The following LPIN2 variants were observed in gnomAD, a reference collection of about 807,000 sequenced individuals.
LPIN2 encodes the protein phosphatidate phosphatase LPIN2.
LPIN2 carries 55 observed loss-of-function variants against 111.4 expected under a neutral mutation model. That is an observed-to-expected ratio of 0.49 (90% CI 0.40 to 0.62). The LOEUF (loss-of-function observed/expected upper bound fraction) is 0.62, where lower values mean the gene tolerates loss of function less well. Among genes scored for constraint, LPIN2 ranks in the 20% least tolerant of loss-of-function variants. LPIN2 has a pLI of 0.00. For synonymous variants in LPIN2, 425 were observed against 414.0 expected (o/e 1.03, Z -0.32); for missense variants, 992 against 1,112.1 (o/e 0.89, Z 1.54).
At chr18:2,960,887 A>G (rs758737310) in intron 1 of LPIN2, 38 bp from the exon 2 acceptor site, 1 of 1,525,738 alleles carries the variant, frequency 6.6e-7, no homozygotes, top group Admixed American at 1.8e-5. Flanking sequence ...GTTAACACTA[A>G]ATTTGTGATC....
intron 2 of LPIN2, among the ~76,000 whole-genome samples, chr18:2,959,300 T>C (rs1276931158): frequency 1.3e-5 from 2 of 152,174 alleles, no homozygotes; most frequent in East Asian, 3.8e-4. Context: ...AAAAAGAATA[T>C]CTAGTTTTGT....
chr18:3,011,750 G>A (rs1361928674), intron 1 of LPIN2: 1 of 152,250 alleles, frequency 6.6e-6, no homozygotes, highest in South Asian at 2.1e-4. Context: ...GGAGGGAAGA[G>A]CCGATGTTGG....
rs76325993 is a variant in LPIN2 at position 2,919,570 on chromosome 18, T to C, written c.*723A>G. The C allele has an allele frequency of 0.024, 3,640 of 152,812 alleles. 139 individuals carry two copies. The highest frequency in any genetic ancestry group is 0.077 in the African/African-American group (3,215 of 41,528). 9.5% of individuals were successfully genotyped at this position (152,812 alleles called of 1,614,324 possible). ...CACCTTCCCACTTTTATTACAGACATCAAATATATACTTGTGAGACCTGTT... is the reference window on the plus strand; with the variant it reads ...CACCTTCCCACTTTTATTACAGACACCAAATATATACTTGTGAGACCTGTT... On this transcript the variant is annotated 3_prime_UTR_variant, in exon 20 of 20. Transcript: ENST00000677752.
At chr18:2,982,173 T>G (rs886269931) in intron 1 of LPIN2, among the ~76,000 whole-genome samples, 21 of 152,184 alleles carry the variant, frequency 1.4e-4, no homozygotes, top group African/African-American at 4.6e-4. Flanking sequence ...AAATTCTTGT[T>G]TATGATCACA....
intron 1 of LPIN2, among the ~76,000 whole-genome samples, chr18:2,998,530 A>AAAC (rs888120899): frequency 1.4e-4 from 21 of 152,264 alleles, no homozygotes; most frequent in African/African-American, 4.8e-4. Context: ...GGGAGGGAGA[A>AAAC]AACAACAACA....
At chr18:3,001,560 A>G (rs2078435671) in intron 1 of LPIN2, among the ~76,000 whole-genome samples, 1 of 152,186 alleles carries the variant, frequency 6.6e-6, no homozygotes, top group South Asian at 2.1e-4. Flanking sequence ...GGAGGGTTAT[A>G]TAAGAGATGA....
intron 2 of LPIN2, among the ~76,000 whole-genome samples, chr18:2,956,482 C>T (rs548331471): frequency 2.0e-5 from 3 of 152,106 alleles, no homozygotes; most frequent in Non-Finnish European, 4.4e-5. Context: ...AAGGAACTGG[C>T]GTAAAATAAT....
rs772070625 is a variant in LPIN2, at chr18:2,920,829, A to G, written c.2495T>C (p.Val832Ala). The change falls in exon 19 of 20, where the codon GTG becomes GCG. Residue 832 changes from valine (V) to alanine (A), a missense_variant. Val to Ala is a moderately conservative substitution (Grantham distance 64). This residue lies in a region of LPIN2 where 185 missense variants were observed against 186.5 expected (regional missense o/e 0.99). Coordinates refer to ENST00000677752, the MANE Select transcript of LPIN2 (RefSeq NM_001375808.2). The stretch of plus-strand genomic sequence containing the variant: ...TTGTATTAATTCACCCTTGGGGTTC[A>G]CGGTGAATATTCTACAGTCTGGAAC... The part of the protein sequence containing the change: ...VGVPDCRIFT[V>A]NPKGELIQER... 6.2e-7 allele frequency: 1 copy of G among 1,614,184 alleles called. No individual in the cohort carries two copies.
Position 2,919,890 on chromosome 18 carries a change from C to G in LPIN2, c.*403G>C. ...AGGGACCCTGACATCTGAAGACAGC[C>G]CTGGTTACAGAAGCCACCTCAACTG... On this transcript the variant is annotated 3_prime_UTR_variant, in exon 20 of 20. Transcript: ENST00000677752. 3.4e-6 allele frequency: 1 copy of G among 296,386 alleles called. No homozygotes were observed. The highest frequency in any genetic ancestry group is 6.7e-6 in the Non-Finnish European group (1 of 149,916). The allele number at this position is 296,386 out of a possible 1,614,324, so 18.4% of individuals were successfully genotyped here. A position where few individuals can be genotyped will look rare whatever the true frequency, so the allele number is the denominator to read the frequency against.
chr18:2,926,046 G>C (rs567758939), intron 13 of LPIN2, among the ~76,000 whole-genome samples: 4 of 152,166 alleles, frequency 2.6e-5, no homozygotes, highest in Non-Finnish European at 5.9e-5. Context: ...TTAGGAGGCC[G>C]AGGCAGGATT....
At chr18:2,939,790 A>C (rs2077343899) in intron 5 of LPIN2, among the ~76,000 whole-genome samples, 187 bp from the exon 6 acceptor site, 1 of 152,216 alleles carries the variant, frequency 6.6e-6, no homozygotes, top group Non-Finnish European at 1.5e-5. Flanking sequence ...TAAAAATGAC[A>C]CCAACTAGTA....
intron 7 of LPIN2, among the ~76,000 whole-genome samples, chr18:2,935,786 A>G (rs2077277619): frequency 6.6e-6 from 1 of 152,158 alleles, no homozygotes; most frequent in African/African-American, 2.4e-5. Context: ...CTGTATGTGG[A>G]TGAATGGAGA....
intron 3 of LPIN2, 52 bp downstream of exon 3, chr18:2,954,452 A>G: frequency 7.6e-7 from 1 of 1,321,666 alleles, no homozygotes; most frequent in Non-Finnish European, 1.1e-6. Context: ...TGGGCCACGT[A>G]CCAGAGGCCT....
At chr18:2,959,682 C>A (rs1003558948) in intron 2 of LPIN2, among the ~76,000 whole-genome samples, 1 of 152,190 alleles carries the variant, frequency 6.6e-6, no homozygotes, top group African/African-American at 2.4e-5. Context: ...AAAACCTACA[C>A]AAATATCTTC....
At chr18:2,935,524 TAAA>T (rs1417795278) in intron 7 of LPIN2, among the ~76,000 whole-genome samples, 1 of 151,952 alleles carries the variant, frequency 6.6e-6, no homozygotes, top group East Asian at 1.9e-4. Context: ...AGTTCTAAAA[TAAA>T]AAAGATTACA....
chr18:2,979,853 T>C (rs1341016424), intron 1 of LPIN2, among the ~76,000 whole-genome samples: 5 of 152,202 alleles, frequency 3.3e-5, no homozygotes, highest in Non-Finnish European at 5.9e-5. Flanking sequence ...TCCCTCAATA[T>C]ATCCTCTTAG....
At chr18:2,937,536 A>C (rs1192198230) in intron 7 of LPIN2, among the ~76,000 whole-genome samples, 156 bp downstream of exon 7, 2 of 137,148 alleles carry the variant, frequency 1.5e-5, no homozygotes, top group African/African-American at 5.8e-5. Flanking sequence ...CAAGAGCGAA[A>C]CTCCAGCTAA....
intron 4 of LPIN2, chr18:2,945,928 A>C: frequency 1.4e-6 from 2 of 1,410,618 alleles, no homozygotes; most frequent in South Asian, 1.2e-5. Flanking sequence ...TTGGTCTAAG[A>C]ATGTATTAAA....
chr18:3,006,633 C>T (rs1477676429), intron 1 of LPIN2, among the ~76,000 whole-genome samples: 2 of 152,092 alleles, frequency 1.3e-5, no homozygotes, highest in South Asian at 2.1e-4. Flanking sequence ...ATCAGGAGAT[C>T]GAGACCACCC....
Sources: gnomAD v4.1 joint callset for allele counts (sites outside exome capture counted in the v4.1 genomes callset) on GRCh38, gnomAD v4.1.1 for gene constraint, gnomAD v4.1.1 regional missense constraint, MANE v1.5 for transcripts, NCBI Gene and HGNC (gene_info 2026-07-23, HGNC 2026-07-21) for gene names.